Variants in PRMT8 observed in about 807,000 individuals in gnomAD.
PRMT8 encodes protein arginine methyltransferase 8.
PRMT8 carries 7 observed loss-of-function variants against 47.1 expected under a neutral mutation model. The ratio of observed to expected loss-of-function variants is 0.15; its 90% CI spans 0.08 to 0.28. PRMT8 has a LOEUF of 0.28. Among genes scored for constraint, PRMT8 ranks in the 10% least tolerant of loss-of-function variants. The pLI, the probability that PRMT8 is intolerant of heterozygous loss-of-function variation, is 1.00. For synonymous variants in PRMT8, 188 were observed against 186.5 expected (o/e 1.01, Z -0.07); for missense variants, 237 against 505.4 (o/e 0.47, Z 5.09).
chr12:3,425,532 A>T (rs1273875315), intron 1 of PRMT8, among the ~76,000 whole-genome samples: 2 of 152,198 alleles, frequency 1.3e-5, no homozygotes, highest in Admixed American at 1.3e-4. Context: ...GCTGACATGA[A>T]TTTGTCTTTT....
chr12:3,527,168 C>T (rs1283976445), intron 1 of PRMT8, among the ~76,000 whole-genome samples: 2 of 152,112 alleles, frequency 1.3e-5, no homozygotes, highest in African/African-American at 4.8e-5. Context: ...CATCATCTAC[C>T]TTCAAGTAAT....
intron 8 of PRMT8, among the ~76,000 whole-genome samples, chr12:3,588,703 C>T (rs1202101233): frequency 6.6e-6 from 1 of 152,180 alleles, no homozygotes; most frequent in Admixed American, 6.5e-5. Flanking sequence ...TGGTCATGCT[C>T]ACTTCAAAAT....
At chr12:3,461,882 A>C (rs983000205) in intron 1 of PRMT8, among the ~76,000 whole-genome samples, 1 of 152,144 alleles carries the variant, frequency 6.6e-6, no homozygotes, top group African/African-American at 2.4e-5. Context: ...GTTTTTTAAA[A>C]AACCAAAACA....
chr12:3,396,917 T>C (rs1864255492), intron 1 of PRMT8, among the ~76,000 whole-genome samples: 1 of 151,912 alleles, frequency 6.6e-6, no homozygotes, highest in Non-Finnish European at 1.5e-5. Context: ...CATTTCTTTT[T>C]ATTCTTTTTT....
chr12:3,478,360 C>T (rs1565417774), intron 1 of PRMT8, among the ~76,000 whole-genome samples: 1 of 151,998 alleles, frequency 6.6e-6, no homozygotes, highest in South Asian at 2.1e-4. Context: ...ATAGATGATA[C>T]CCTGTGGTCC....
intron 1 of PRMT8, among the ~76,000 whole-genome samples, chr12:3,419,155 C>T (rs1370938680): frequency 6.6e-6 from 1 of 152,194 alleles, no homozygotes; most frequent in African/African-American, 2.4e-5. Context: ...AAAACCAAGA[C>T]CCAGGGAGGA....
rs866861036 is a variant in PRMT8 at position 3,546,167 on chromosome 12, A to G, written c.262-3769A>G. Among the ~76,000 whole-genome samples the G allele has an allele frequency of 4.6e-5, 7 of 152,382 alleles. 1 individual carries two copies. The Middle Eastern group carries it at 0.017, about 370-fold the overall frequency. On this transcript the variant is annotated intron_variant, in intron 2 of 9. Coordinates refer to ENST00000382622, the MANE Select transcript of PRMT8 (RefSeq NM_019854.5). The stretch of plus-strand genomic sequence containing the variant: ...AACTAAATGATAGTGAAAATACAAC[A>G]TATTAAAATTTGGAGACGGAAATTC...
chr12:3,480,577 C>T (rs2137101161), intron 1 of PRMT8, among the ~76,000 whole-genome samples: 1 of 152,312 alleles, frequency 6.6e-6, no homozygotes, highest in Non-Finnish European at 1.5e-5. Context: ...CACCCACCTT[C>T]CCTGAGGTCT....
rs554703996 is a variant in PRMT8 at position 3,567,934 on chromosome 12, G to A, written c.482-772G>A. 2.4e-3 allele frequency among the ~76,000 whole-genome samples: 367 copies of A among 152,244 alleles called. 3 individuals are homozygous for A. Among genetic ancestry groups the A allele is most frequent in the Non-Finnish European group, 3.8e-3 (258 of 68,010 alleles). On this transcript the variant is annotated intron_variant, in intron 4 of 9. Transcript: ENST00000382622. Reference sequence around the variant, plus strand: ...ACTAAAAATACAAAATTAGCCGGGCGTGGTGGCACATGCCTGTAATCCCAG... The same window carrying A: ...ACTAAAAATACAAAATTAGCCGGGCATGGTGGCACATGCCTGTAATCCCAG...
At chr12:3,531,257 CT>C (rs1273871012) in intron 1 of PRMT8, among the ~76,000 whole-genome samples, 3 of 152,164 alleles carry the variant, frequency 2.0e-5, no homozygotes, top group Admixed American at 2.0e-4. Context: ...CCGTAACCCC[CT>C]TCAAGTCAAA....
At position 3,557,275 on chromosome 12, in the gene PRMT8, C is replaced by T. The variant is rs1238859668; in HGVS notation, c.481+3561C>T. On this transcript the variant is annotated intron_variant, in intron 4 of 9. Coordinates refer to ENST00000382622, the MANE Select transcript of PRMT8 (RefSeq NM_019854.5). This position sits in a 1 kb window ranked among gnomAD's most constrained non-coding sequence, Gnocchi z 4.7. ...GAGTGCGATTGGAGTAGAAGGTTGC[C>T]GGGATCAGGGCTTTGCTGGGAGCAT... is the stretch of plus-strand genomic sequence containing the variant. Among the ~76,000 whole-genome samples the T allele has an allele frequency of 4.6e-5, 7 of 152,134 alleles. No individual in the cohort carries two copies. In the East Asian group the frequency reaches 5.8e-4, roughly 13 times the overall value.
chr12:3,443,511 C>T (rs766380177), intron 1 of PRMT8, among the ~76,000 whole-genome samples: 14 of 152,108 alleles, frequency 9.2e-5, no homozygotes, highest in Non-Finnish European at 1.3e-4. Context: ...AAGCATTTTC[C>T]GAATGGATAC....
chr12:3,537,178 C>G (rs1591591263), intron 1 of PRMT8, among the ~76,000 whole-genome samples: 1 of 152,216 alleles, frequency 6.6e-6, no homozygotes, highest in East Asian at 1.9e-4. Flanking sequence ...ATATGCAGAG[C>G]TGTGGTTGTT....
intron 1 of PRMT8, among the ~76,000 whole-genome samples, chr12:3,482,546 C>T (rs889999013): frequency 5.9e-5 from 9 of 152,196 alleles, no homozygotes; most frequent in Non-Finnish European, 1.2e-4. Context: ...AGTGACAGCA[C>T]TTGGAGAAGT....
rs551484217 is a variant in PRMT8, at chr12:3,458,333, C to T, written c.48+76891C>T. Among the ~76,000 whole-genome samples the T allele has an allele frequency of 5.3e-5, 8 of 152,348 alleles. No individual in the cohort carries two copies. The South Asian group carries it at 6.2e-4, about 12-fold the overall frequency. ...GGGCTGCATATCACTCCATCCTTGG[C>T]GGTGAGGACCAGAGAGCCAGGTGCT... On this transcript the variant is annotated intron_variant, in intron 1 of 9. Coordinates refer to the PRMT8 transcript ENST00000452611.
intron 4 of PRMT8, among the ~76,000 whole-genome samples, chr12:3,567,744 A>G (rs187555513): frequency 3.3e-5 from 5 of 152,330 alleles, no homozygotes; most frequent in African/African-American, 9.6e-5. Context: ...CTATCAGCCT[A>G]CTGTTGACCA....
In PRMT8 at chr12:3,491,371, G is replaced by A. The variant is rs1027056278; in HGVS notation, c.-255G>A. On this transcript the variant is annotated 5_prime_UTR_variant, in exon 1 of 10. Coordinates refer to ENST00000382622, the MANE Select transcript of PRMT8 (RefSeq NM_019854.5). ...CCGCAGCGCGGGTGGAGAGGGGCGG[G>A]GAGGGGGTCGGGGGCACGAGAAGAA... 9.2e-6 allele frequency: 11 copies of A among 1,197,342 alleles called. No individual in the cohort carries two copies. Among genetic ancestry groups the A allele is most frequent in the South Asian group, 3.2e-5 (1 of 31,596 alleles). The allele number at this position is 1,197,342 out of a possible 1,614,324, so 74.2% of individuals were successfully genotyped here.
rs966028174 is a variant in PRMT8, at chr12:3,552,053, C to A, written c.418-1598C>A. On this transcript the variant is annotated intron_variant, in intron 3 of 9. Transcript: ENST00000382622. This position sits in a 1 kb window ranked among gnomAD's most constrained non-coding sequence, Gnocchi z 4.5. ...GACCAGCCTGGCCAACATGGCGAAA[C>A]CCTGTCTCTACTAAAAATACAAAAA... is the stretch of plus-strand genomic sequence containing the variant. 1 of 152,360 alleles carries A rather than the reference C, an allele frequency of 6.6e-6. No homozygotes were observed. The highest frequency in any genetic ancestry group is 1.5e-5 in the Non-Finnish European group (1 of 68,158). The allele number at this position is 152,360 out of a possible 1,614,324, so 9.4% of individuals were successfully genotyped here.
intron 4 of PRMT8, among the ~76,000 whole-genome samples, chr12:3,559,235 G>GAGCCTTCTTAC (rs1866588363): frequency 6.6e-6 from 1 of 152,066 alleles, no homozygotes; most frequent in Non-Finnish European, 1.5e-5. Flanking sequence ...TTGAAATGCC[G>GAGCCTTCTTAC]TTTTCCCTTT....
Sources: gnomAD v4.1 joint callset for allele counts (sites outside exome capture counted in the v4.1 genomes callset) on GRCh38, gnomAD v4.1.1 for gene constraint, Gnocchi (gnomAD v3.1) non-coding constraint, MANE v1.5 for transcripts, NCBI Gene and HGNC (gene_info 2026-07-23, HGNC 2026-07-21) for gene names.